The following BMERB1 variants were observed in gnomAD, a reference collection of about 807,000 sequenced individuals.
BMERB1 encodes bMERB domain-containing protein 1.
Under a neutral mutation model 23.6 loss-of-function variants are expected in BMERB1, and 12 were observed. The observed-to-expected ratio is 0.51, with a 90% CI of 0.33 to 0.82. The LOEUF is 0.82. BMERB1 is among the 40% of genes least tolerant of loss of function. BMERB1 has a pLI of 0.03. For missense variants in BMERB1, 247 were observed against 255.4 expected, an observed-to-expected ratio of 0.97 and a Z score of 0.22; for synonymous variants, 122 against 96.6, an observed-to-expected ratio of 1.26 and a Z score of -1.54.
At chr16:15,447,130 G>A (rs1021442381) in intron 1 of BMERB1, among the ~76,000 whole-genome samples, 18 of 152,132 alleles carry the variant, frequency 1.2e-4, no homozygotes, top group African/African-American at 4.3e-4. Flanking sequence ...AACAGGATCT[G>A]CCCCAAAGGA....
intron 1 of BMERB1, among the ~76,000 whole-genome samples, chr16:15,505,600 T>G (rs768899689): frequency 2.0e-5 from 3 of 152,062 alleles, no homozygotes; most frequent in South Asian, 2.1e-4. Flanking sequence ...GTAAAAAAAG[T>G]CAATGTCGGC....
At chr16:15,439,858 G>A (rs1038640953) in intron 1 of BMERB1, among the ~76,000 whole-genome samples, 1 of 152,162 alleles carries the variant, frequency 6.6e-6, no homozygotes, top group African/African-American at 2.4e-5. Flanking sequence ...GCCATTTCTT[G>A]ATAGATTTGT....
rs117096772 is a variant in BMERB1 at position 15,484,124 on chromosome 16, A to G, written c.107-31181A>G. On this transcript the variant is annotated intron_variant, in intron 1 of 5. Coordinates refer to ENST00000300006, the MANE Select transcript of BMERB1 (RefSeq NM_033201.3). ...GGGAATTAAGGGTGAGAACTCACTC[A>G]ATCCTGCAAACATGGCATGAAGCCA... Among the ~76,000 whole-genome samples the G allele has an allele frequency of 2.7e-4, 41 of 152,302 alleles. 1 individual carries two copies. The East Asian group carries it at 7.5e-3, about 28-fold the overall frequency.
intron 1 of BMERB1, among the ~76,000 whole-genome samples, chr16:15,445,129 G>A (rs1226449899): frequency 6.6e-6 from 1 of 152,178 alleles, no homozygotes; most frequent in African/African-American, 2.4e-5. Context: ...CTGGCCTCAA[G>A]CAATCCTCCT....
At chr16:15,554,919 G>A (rs2030210620) in intron 2 of BMERB1, among the ~76,000 whole-genome samples, 1 of 152,106 alleles carries the variant, frequency 6.6e-6, no homozygotes, top group Non-Finnish European at 1.5e-5. Flanking sequence ...GCCCGCCTCG[G>A]CCTCCCAAAG....
chr16:15,520,555 C>G (rs545352915), intron 2 of BMERB1, among the ~76,000 whole-genome samples: 121 of 149,412 alleles, frequency 8.1e-4, no homozygotes, highest in Non-Finnish European at 1.5e-3. Context: ...ACGATCTGGA[C>G]TCACTACAAG....
intron 1 of BMERB1, among the ~76,000 whole-genome samples, chr16:15,512,804 G>C (rs1340596511): frequency 6.6e-6 from 1 of 151,944 alleles, no homozygotes; most frequent in Admixed American, 6.6e-5. Context: ...GCTTGAATCC[G>C]GGAGGCGGAG....
intron 2 of BMERB1, among the ~76,000 whole-genome samples, chr16:15,557,993 G>A (rs745402067): frequency 6.6e-6 from 1 of 151,968 alleles, no homozygotes; most frequent in Non-Finnish European, 1.5e-5. Context: ...GCAGTGAGCC[G>A]AGATCATGCC....
intron 1 of BMERB1, among the ~76,000 whole-genome samples, chr16:15,500,928 A>G (rs2051522816): frequency 6.6e-6 from 1 of 152,216 alleles, no homozygotes; most frequent in South Asian, 2.1e-4. Context: ...CTGGGATTAC[A>G]GGCGTGAGCC....
chr16:15,464,032 G>A (rs2051160000), intron 1 of BMERB1, among the ~76,000 whole-genome samples: 1 of 152,186 alleles, frequency 6.6e-6, no homozygotes. Flanking sequence ...AAGAATCAAG[G>A]CCGCGCACAG....
intron 1 of BMERB1, among the ~76,000 whole-genome samples, chr16:15,469,319 A>G (rs2051210127): frequency 2.0e-5 from 3 of 152,094 alleles, no homozygotes; most frequent in Admixed American, 6.6e-5. Flanking sequence ...CTATTTCTGG[A>G]TTCTCTGTTC....
chr16:15,455,387 A>G (rs902393794), intron 1 of BMERB1, among the ~76,000 whole-genome samples: 2 of 151,462 alleles, frequency 1.3e-5, no homozygotes, highest in Non-Finnish European at 2.9e-5. Flanking sequence ...TATGACAACT[A>G]CTAGTGTGTC....
At chr16:15,445,908 C>T (rs1397401437) in intron 1 of BMERB1, among the ~76,000 whole-genome samples, 3 of 152,084 alleles carry the variant, frequency 2.0e-5, no homozygotes, top group African/African-American at 7.2e-5. Context: ...GAATGCTTCT[C>T]AGCAGTAAAA....
intron 1 of BMERB1, among the ~76,000 whole-genome samples, chr16:15,484,925 G>A (rs76724388): frequency 2.4e-3 from 368 of 152,248 alleles, no homozygotes; most frequent in Non-Finnish European, 4.5e-3. Context: ...TATCCAGCGT[G>A]GCTGGATCCA....
intron 1 of BMERB1, among the ~76,000 whole-genome samples, chr16:15,463,989 AG>A (rs1373049345): frequency 6.6e-6 from 1 of 152,134 alleles, no homozygotes; most frequent in Non-Finnish European, 1.5e-5. Context: ...GCAACTCCAT[AG>A]AGTAAAGTGA....
intron 1 of BMERB1, among the ~76,000 whole-genome samples, chr16:15,446,235 TAAA>T (rs1427990407): frequency 6.6e-6 from 1 of 151,384 alleles, no homozygotes; most frequent in Non-Finnish European, 1.5e-5. Flanking sequence ...TACAAAAAAA[TAAA>T]AAAATAAACT....
At position 15,541,818 on chromosome 16, in the gene BMERB1, G is replaced by A. The variant is rs1260481950; in HGVS notation, c.231-26165G>A. 2.6e-5 allele frequency among the ~76,000 whole-genome samples: 4 copies of A among 151,584 alleles called. No homozygotes were observed. In the East Asian group the frequency reaches 7.8e-4, roughly 29 times the overall value. Reference sequence around the variant, plus strand: ...GGGGTTTCACCATGTTAGCCAGGATGGTCTCGATCTCCTGACCTCATGATC... The same window carrying A: ...GGGGTTTCACCATGTTAGCCAGGATAGTCTCGATCTCCTGACCTCATGATC... On this transcript the variant is annotated intron_variant, in intron 2 of 5. Coordinates refer to ENST00000300006, the MANE Select transcript of BMERB1 (RefSeq NM_033201.3).
intron 2 of BMERB1, among the ~76,000 whole-genome samples, chr16:15,552,774 G>A (rs1598515246): frequency 1.3e-5 from 2 of 152,332 alleles, no homozygotes; most frequent in East Asian, 3.9e-4. Context: ...CGTAGTAGGC[G>A]CTCAAGAACT....
chr16:15,556,229 A>T (rs1219971625), intron 2 of BMERB1, among the ~76,000 whole-genome samples: 2 of 152,112 alleles, frequency 1.3e-5, no homozygotes, highest in Non-Finnish European at 2.9e-5. Flanking sequence ...TTGCACAGAA[A>T]TGTTGGCTGA....
Sources: gnomAD v4.1 joint callset for allele counts (sites outside exome capture counted in the v4.1 genomes callset) on GRCh38, gnomAD v4.1.1 for gene constraint, MANE v1.5 for transcripts, NCBI Gene and HGNC (gene_info 2026-07-23, HGNC 2026-07-21) for gene names.